Variants in P2RY12 observed in about 807,000 individuals in gnomAD.
P2RY12 encodes the protein purinergic receptor P2Y12, also known as P2Y purinoceptor 12.
In P2RY12, 3 loss-of-function variants were observed where a neutral mutation model predicts 4.5. That is an observed-to-expected ratio of 0.67 (90% confidence interval 0.31 to 1.74). P2RY12 has a LOEUF of 1.74. Ranked by LOEUF, P2RY12 falls within the 40% of genes most tolerant of loss-of-function variation. The pLI, the probability that P2RY12 is intolerant of heterozygous loss-of-function variation, is 0.09. For missense variants in P2RY12, 356 were observed against 407.8 expected, an observed-to-expected ratio of 0.87 and a Z score of 1.09; for synonymous variants, 148 against 154.1, an observed-to-expected ratio of 0.96 and a Z score of 0.29.
chr3:151,367,735 G>T, intron 1 of P2RY12: 1 of 1,611,364 alleles, frequency 6.2e-7, no homozygotes, highest in Non-Finnish European at 8.5e-7. Flanking sequence ...ACGTCGTGCA[G>T]CATGTCGCAC....
At chr3:151,377,079 A>G in intron 1 of P2RY12, 1 of 1,614,126 alleles carries the variant, frequency 6.2e-7, no homozygotes, top group African/African-American at 1.3e-5. Context: ...GCAGACCTAA[A>G]TAATTCTTCT....
At chr3:151,370,118 G>A (rs1192813273) in intron 1 of P2RY12, among the ~76,000 whole-genome samples, 2 of 152,080 alleles carry the variant, frequency 1.3e-5, no homozygotes, top group Admixed American at 6.6e-5. Context: ...AATTCATAAT[G>A]TCCAAGATGT....
intron 1 of P2RY12, among the ~76,000 whole-genome samples, chr3:151,374,957 T>C (rs1415992590): frequency 1.3e-5 from 2 of 152,220 alleles, no homozygotes; most frequent in African/African-American, 4.8e-5. Flanking sequence ...ACATACCTTA[T>C]ATATTATTTT....
At chr3:151,360,561 T>C (rs768317492) in intron 1 of P2RY12, 22 of 1,612,824 alleles carry the variant, frequency 1.4e-5, no homozygotes, top group Non-Finnish European at 1.9e-5. Flanking sequence ...ATGATCTCTA[T>C]GTGTCATGTA....
Position 151,338,578 on chromosome 3 carries a change from C to CAAGGA in P2RY12, c.267_268insTCCTT (p.Gly90SerfsTer5), listed in dbSNP as rs772537073. On this transcript the variant is annotated frameshift_variant, in exon 3 of 3. Transcript: ENST00000302632. LOFTEE classifies it high-confidence loss of function. ...TGACACACAAAAGTTCTCAGTGGTC[C>CAAGGA]TGTTCCCAGTTTGGCATCACTAAGA... 1.9e-6 allele frequency: 3 copies of CAAGGA among 1,613,906 alleles called. No homozygotes were observed. Among genetic ancestry groups the CAAGGA allele is most frequent in the Non-Finnish European group, 2.5e-6 (3 of 1,179,968 alleles).
At chr3:151,364,286 G>A (rs942188453) in intron 1 of P2RY12, among the ~76,000 whole-genome samples, 2 of 152,182 alleles carry the variant, frequency 1.3e-5, no homozygotes, top group African/African-American at 2.4e-5. Flanking sequence ...TGATTCAGAC[G>A]TAACTCACTG....
intron 1 of P2RY12, chr3:151,368,134 A>G (rs1322161952): frequency 6.2e-7 from 1 of 1,608,886 alleles, no homozygotes; most frequent in South Asian, 1.1e-5. Flanking sequence ...TTGCTTTTCC[A>G]ATCCCCCTTT....
chr3:151,337,483 A>G lies in P2RY12; in HGVS notation c.*334T>C, dbSNP rs1285704434. The G allele has an allele frequency of 2.9e-5, 7 of 239,290 alleles. No homozygotes were observed. The highest frequency in any genetic ancestry group is 5.8e-5 in the Non-Finnish European group (7 of 121,442). The allele number at this position is 239,290 out of a possible 1,614,324, so 14.8% of individuals were successfully genotyped here. A position where few individuals can be genotyped will look rare whatever the true frequency, so the allele number is the denominator to read the frequency against. On this transcript the variant is annotated 3_prime_UTR_variant, in exon 3 of 3. Transcript: ENST00000302632. ...ATGAAAAAATAAAATTGTGAACGAT[A>G]ATGTATTTTAAAAATTACAGTAAAT...
intron 1 of P2RY12, among the ~76,000 whole-genome samples, chr3:151,354,163 A>AAAAAAAAAC (rs1753634897): frequency 6.7e-6 from 1 of 150,060 alleles, no homozygotes; most frequent in Non-Finnish European, 1.5e-5. Flanking sequence ...AAAAAAAAAA[A>AAAAAAAAAC]AGAATCACAG....
chr3:151,348,444 G>A lies in P2RY12; in HGVS notation c.-179-7684C>T, dbSNP rs78011685. Among the ~76,000 whole-genome samples the A allele has an allele frequency of 9.9e-4, 150 of 151,742 alleles. 1 individual carries two copies. In the East Asian group the frequency reaches 0.026, roughly 26 times the overall value. On this transcript the variant is annotated intron_variant, in intron 1 of 2. Transcript: ENST00000302632. ...CAAGCAGCTCAGCTCATTCAGATGC[G>A]CAGCCAGCTCTAGGGATCACTGCTT...
chr3:151,350,801 C>T (rs976279071), intron 1 of P2RY12, among the ~76,000 whole-genome samples: 4 of 152,120 alleles, frequency 2.6e-5, no homozygotes, highest in African/African-American at 9.7e-5. Context: ...ATGCTCTTTC[C>T]TCATCCTTTT....
At chr3:151,381,582 A>G (rs1165387323) in intron 1 of P2RY12, among the ~76,000 whole-genome samples, 1 of 152,164 alleles carries the variant, frequency 6.6e-6, no homozygotes, top group African/African-American at 2.4e-5. Context: ...AGAGATTAGC[A>G]TGGCCTGCTC....
chr3:151,381,007 A>G (rs897146593), intron 1 of P2RY12, among the ~76,000 whole-genome samples: 5 of 152,198 alleles, frequency 3.3e-5, no homozygotes, highest in African/African-American at 1.2e-4. Context: ...TTTAGAAATA[A>G]TTTGGACATT....
rs1751255394 is a variant in P2RY12, at chr3:151,338,015, G to A, written c.831C>T (p.Phe277=). The change falls in exon 3 of 3, where the codon TTC becomes TTT. Residue 277 remains phenylalanine (F), a synonymous_variant. Coordinates refer to ENST00000302632, the MANE Select transcript of P2RY12 (RefSeq NM_022788.5). ...VFDCTAENTL[F]YVKESTLWLT... ...ACCACAGAGTGCTCTCTTTCACATA[G>A]AACAGAGTATTTTCAGCAGTGCAGT... The A allele has an allele frequency of 6.2e-7, 1 of 1,614,096 alleles. No homozygotes were observed. The highest frequency in any genetic ancestry group is 8.5e-7 in the Non-Finnish European group (1 of 1,179,984).
intron 1 of P2RY12, chr3:151,369,588 C>G: frequency 1.5e-6 from 2 of 1,335,638 alleles, no homozygotes; most frequent in Non-Finnish European, 2.1e-6. Flanking sequence ...GGTTAATCAC[C>G]AGAAATGAAG....
At chr3:151,369,442 C>A (rs1260812446) in intron 1 of P2RY12, 1 of 1,599,934 alleles carries the variant, frequency 6.3e-7, no homozygotes, top group African/African-American at 1.3e-5. Flanking sequence ...GTAGGCAAAC[C>A]TTTCCCTGGA....
Position 151,376,705 on chromosome 3 carries a change from TCTG to T in P2RY12, c.-180+7984_-180+7986del, listed in dbSNP as rs1016606607. On this transcript the variant is annotated intron_variant, in intron 1 of 2. Transcript: ENST00000302632. ...AAATTATTTCATTGTGTATGATTATTCTGCTCTTTCTTGAGAGAAGGAGTACTG... is the reference window on the plus strand; with the variant it reads ...AAATTATTTCATTGTGTATGATTATTCTCTTTCTTGAGAGAAGGAGTACTG... 2.4e-5 allele frequency: 24 copies of T among 998,572 alleles called. No individual in the cohort carries two copies. In the African/African-American group the frequency reaches 3.7e-4, roughly 16 times the overall value. 61.9% of individuals were successfully genotyped at this position (998,572 alleles called of 1,614,324 possible). A position where few individuals can be genotyped will look rare whatever the true frequency, so the allele number is the denominator to read the frequency against.
intron 1 of P2RY12, among the ~76,000 whole-genome samples, chr3:151,342,241 G>C (rs1209877226): frequency 6.6e-6 from 1 of 152,140 alleles, no homozygotes; most frequent in East Asian, 1.9e-4. Flanking sequence ...CAACACCTGT[G>C]CTGCTTTAAC....
At chr3:151,346,268 A>G (rs1752525234) in intron 1 of P2RY12, among the ~76,000 whole-genome samples, 1 of 152,024 alleles carries the variant, frequency 6.6e-6, no homozygotes, top group Admixed American at 6.6e-5. Flanking sequence ...TATATCCTTT[A>G]TCATCAGTTA....
Sources: allele counts gnomAD v4.1 joint callset (sites outside exome capture counted in the v4.1 genomes callset), GRCh38; gene constraint gnomAD v4.1.1; transcripts MANE v1.5; gene names NCBI Gene and HGNC (gene_info 2026-07-23, HGNC 2026-07-21).